ATXN8OS: variants seen among roughly 807,000 people sequenced by gnomAD.
ATXN8OS encodes ATXN8 opposite strand (non-protein coding).
At chr13:70,108,200 GAA>G (rs1888125286) in intron 1 of ATXN8OS, 3 of 396,140 alleles carry the variant, frequency 7.6e-6, no homozygotes, top group Non-Finnish European at 1.3e-5. Flanking sequence ...AGCGCAGAGA[GAA>G]AGAGCCCCAA....
At chr13:70,121,787 A>G (rs1222596500) in intron 2 of ATXN8OS, among the ~76,000 whole-genome samples, 1 of 152,084 alleles carries the variant, frequency 6.6e-6, no homozygotes, top group Non-Finnish European at 1.5e-5. Flanking sequence ...GATCTTTAGA[A>G]GTGAGAGTAA....
chr13:70,134,536 T>C (rs1334066846), intron 3 of ATXN8OS, among the ~76,000 whole-genome samples: 2 of 152,134 alleles, frequency 1.3e-5, no homozygotes, highest in South Asian at 4.1e-4. Flanking sequence ...GGACTCCAAC[T>C]ACATGGAGGA....
exon 5 of ATXN8OS, among the ~76,000 whole-genome samples, chr13:70,171,326 G>A (rs1333969777): frequency 2.0e-5 from 3 of 151,990 alleles, no homozygotes; most frequent in African/African-American, 7.2e-5. Flanking sequence ...AAACCTTTGG[G>A]CGTAACTTTA....
intron 4 of ATXN8OS, among the ~76,000 whole-genome samples, chr13:70,159,719 T>C (rs1668400336): frequency 6.6e-6 from 1 of 152,188 alleles, no homozygotes; most frequent in Non-Finnish European, 1.5e-5. Context: ...ATCTCAATTC[T>C]TGGCAACAAC....
intron 3 of ATXN8OS, among the ~76,000 whole-genome samples, chr13:70,130,113 C>T (rs759406963): frequency 7.4e-4 from 113 of 152,106 alleles, no homozygotes; most frequent in South Asian, 2.1e-4. Flanking sequence ...ACTAAGTATC[C>T]AGATGCCATC....
chr13:70,109,795 G>C (rs761770207), intron 1 of ATXN8OS, among the ~76,000 whole-genome samples: 1 of 152,066 alleles, frequency 6.6e-6, no homozygotes, highest in Non-Finnish European at 1.5e-5. Context: ...CCTTAGGGAA[G>C]AAAATAGTTT....
chr13:70,156,765 C>A (rs1888942760), intron 4 of ATXN8OS, among the ~76,000 whole-genome samples: 1 of 152,110 alleles, frequency 6.6e-6, no homozygotes, highest in South Asian at 2.1e-4. Flanking sequence ...ACCACACTAT[C>A]AAATTAGCTT....
At chr13:70,135,252 C>G (rs1022864156) in intron 3 of ATXN8OS, among the ~76,000 whole-genome samples, 2 of 152,044 alleles carry the variant, frequency 1.3e-5, no homozygotes, top group African/African-American at 4.8e-5. Context: ...TTTTTGGGCC[C>G]CTATGTGACA....
At chr13:70,143,631 G>C (rs751459633) in intron 3 of ATXN8OS, among the ~76,000 whole-genome samples, 14 of 152,120 alleles carry the variant, frequency 9.2e-5, no homozygotes, top group Non-Finnish European at 1.8e-4. Context: ...AGAGAACTTA[G>C]GTTGAGCGGT....
intron 3 of ATXN8OS, among the ~76,000 whole-genome samples, chr13:70,134,107 T>A (rs1328331223): frequency 6.6e-6 from 1 of 152,198 alleles, no homozygotes; most frequent in Non-Finnish European, 1.5e-5. Flanking sequence ...AGGATTTTTG[T>A]CATTTGAGGA....
chr13:70,115,108 A>G (rs1888255443), intron 1 of ATXN8OS: 1 of 397,598 alleles, frequency 2.5e-6, no homozygotes, highest in Admixed American at 4.4e-5. Context: ...ATACTGGGTA[A>G]TTTATAAATA....
At chr13:70,129,894 T>C (rs1044919427) in intron 3 of ATXN8OS, 8 of 398,300 alleles carry the variant, frequency 2.0e-5, no homozygotes, top group Admixed American at 8.8e-5. Flanking sequence ...GGTAAAAACA[T>C]CAAAAGGTTG....
At chr13:70,136,935 A>T (rs1400460222) in intron 3 of ATXN8OS, among the ~76,000 whole-genome samples, 1 of 152,128 alleles carries the variant, frequency 6.6e-6, no homozygotes, top group Admixed American at 6.6e-5. Context: ...ATCACAGACA[A>T]GATTCCAGTG....
intron 4 of ATXN8OS, among the ~76,000 whole-genome samples, chr13:70,157,143 C>T (rs1049071907): frequency 2.6e-5 from 4 of 151,758 alleles, no homozygotes; most frequent in Non-Finnish European, 4.4e-5. Context: ...ATTAAAGGCT[C>T]GTAACAACAT....
chr13:70,130,480 T>C (rs1888515636), intron 3 of ATXN8OS, among the ~76,000 whole-genome samples: 1 of 152,190 alleles, frequency 6.6e-6, no homozygotes, highest in African/African-American at 2.4e-5. Flanking sequence ...ATGTAAACTT[T>C]ATTGTGATAA....
chr13:70,149,670 T>A (rs1162513770), intron 4 of ATXN8OS, among the ~76,000 whole-genome samples: 2 of 152,120 alleles, frequency 1.3e-5, no homozygotes. Context: ...CATAACAGAT[T>A]AGCAGTAGGC....
intron 3 of ATXN8OS, among the ~76,000 whole-genome samples, chr13:70,141,842 A>G (rs1245623189): frequency 6.6e-6 from 1 of 152,084 alleles, no homozygotes; most frequent in African/African-American, 2.4e-5. Context: ...TAAAACCAAC[A>G]CACATATATA....
intron 4 of ATXN8OS, among the ~76,000 whole-genome samples, chr13:70,151,759 A>G (rs904412113): frequency 1.3e-5 from 2 of 152,122 alleles, no homozygotes; most frequent in Non-Finnish European, 2.9e-5. Flanking sequence ...ATTTAACTTT[A>G]TATATGTTTT....
Position 70,144,746 on chromosome 13 carries a change from A to T in ATXN8OS, n.500-2609A>T, listed in dbSNP as rs113197891. 4.9e-3 allele frequency among the ~76,000 whole-genome samples: 750 copies of T among 152,220 alleles called. 5 individuals carry two copies. Among genetic ancestry groups the T allele is most frequent in the African/African-American group, 0.017 (717 of 41,534 alleles). On this transcript the variant is annotated intron_variant and non_coding_transcript_variant, in intron 3 of 4. Transcript: ENST00000678624. The stretch of plus-strand genomic sequence containing the variant: ...TATTTCATGGGTTGTGCCTTTGGTA[A>T]TGCTAAAAAGACATCACCAAACTTA...
Sources: gnomAD v4.1 joint callset for allele counts (sites outside exome capture counted in the v4.1 genomes callset) on GRCh38, gnomAD v4.1.1 for gene constraint, MANE v1.5 for transcripts, NCBI Gene and HGNC (gene_info 2026-07-23, HGNC 2026-07-21) for gene names.